KCNIP4: variants seen among roughly 807,000 people sequenced by gnomAD.
The protein encoded by KCNIP4 is Kv channel-interacting protein 4.
Under a neutral mutation model 34.0 loss-of-function variants are expected in KCNIP4, and 12 were observed. That is an observed-to-expected ratio of 0.35 (90% CI 0.23 to 0.57). The LOEUF (loss-of-function observed/expected upper bound fraction) is 0.57, where lower values mean the gene tolerates loss of function less well. Among genes scored for constraint, KCNIP4 ranks in the 20% least tolerant of loss-of-function variants. The pLI is 0.83. For missense variants in KCNIP4, 238 were observed against 311.7 expected, an observed-to-expected ratio of 0.76 and a Z score of 1.78; for synonymous variants, 124 against 102.2, an observed-to-expected ratio of 1.21 and a Z score of -1.29.
intron 1 of KCNIP4, among the ~76,000 whole-genome samples, chr4:21,058,426 T>C (rs2072622949): frequency 6.7e-6 from 1 of 148,368 alleles, no homozygotes; most frequent in Non-Finnish European, 1.5e-5. Flanking sequence ...GAGCTCATTG[T>C]CCAGACTTGG....
At chr4:21,745,388 GA>G (rs1577931808) in intron 1 of KCNIP4, among the ~76,000 whole-genome samples, 2 of 152,120 alleles carry the variant, frequency 1.3e-5, no homozygotes, top group African/African-American at 4.8e-5. Context: ...TGATATTTAT[GA>G]AATAGAAGAT....
At chr4:21,635,540 G>A (rs1271311125) in intron 1 of KCNIP4, among the ~76,000 whole-genome samples, 2 of 152,080 alleles carry the variant, frequency 1.3e-5, no homozygotes, top group African/African-American at 4.8e-5. Flanking sequence ...ATGAAAAAAT[G>A]CTCATCATCA....
At chr4:21,892,356 G>C (rs562521006) in intron 1 of KCNIP4, among the ~76,000 whole-genome samples, 83 of 151,690 alleles carry the variant, frequency 5.5e-4, no homozygotes, top group Non-Finnish European at 1.1e-3. Flanking sequence ...TATGCTGCTA[G>C]AAGTTGGGAT....
At chr4:21,108,925 C>T (rs534006193) in intron 1 of KCNIP4, among the ~76,000 whole-genome samples, 1 of 152,300 alleles carries the variant, frequency 6.6e-6, no homozygotes, top group East Asian at 1.9e-4. Flanking sequence ...TTTTCGTGAA[C>T]CACGAATGCT....
At chr4:21,193,819 C>T (rs1389069535) in intron 1 of KCNIP4, among the ~76,000 whole-genome samples, 1 of 152,136 alleles carries the variant, frequency 6.6e-6, no homozygotes, top group Non-Finnish European at 1.5e-5. Context: ...GATCCACCCA[C>T]CTCGGCCTCC....
intron 1 of KCNIP4, chr4:21,847,134 C>T (rs1018501380): frequency 6.6e-6 from 1 of 152,106 alleles, no homozygotes; most frequent in Non-Finnish European, 1.5e-5. Context: ...AGTTCATCAC[C>T]TTCTATAACC....
chr4:21,656,210 C>A (rs1173354621), intron 1 of KCNIP4, among the ~76,000 whole-genome samples: 1 of 152,150 alleles, frequency 6.6e-6, no homozygotes, highest in Non-Finnish European at 1.5e-5. Flanking sequence ...CTTGCCAAAG[C>A]AACACCCCAT....
chr4:21,119,557 G>A lies in KCNIP4; in HGVS notation c.62-236848C>T, dbSNP rs571189057. Among the ~76,000 whole-genome samples the A allele has an allele frequency of 2.0e-3, 305 of 151,368 alleles. 11 individuals are homozygous for A. The highest frequency in any genetic ancestry group is 6.8e-4 in the Non-Finnish European group (46 of 67,882). The stretch of plus-strand genomic sequence containing the variant: ...TGTCTGAATGCTAAAAATAACTAGC[G>A]TAACCAAACATAGAGAGAAACATTT... On this transcript the variant is annotated intron_variant, in intron 1 of 8. Transcript: ENST00000382152.
intron 1 of KCNIP4, among the ~76,000 whole-genome samples, chr4:20,962,498 C>T (rs1445893282): frequency 2.0e-5 from 3 of 152,178 alleles, no homozygotes; most frequent in Non-Finnish European, 4.4e-5. Flanking sequence ...ATGTTATTTA[C>T]TGGCTCTCTC....
intron 1 of KCNIP4, among the ~76,000 whole-genome samples, chr4:21,082,493 G>GA (rs1368751445): frequency 6.6e-6 from 1 of 151,816 alleles, no homozygotes; most frequent in African/African-American, 2.4e-5. Flanking sequence ...TCAAGCCTCT[G>GA]TAGTATTTTC....
Position 21,325,833 on chromosome 4 carries a change from C to T in KCNIP4, c.62-443124G>A, listed in dbSNP as rs138163449. ...TGTTTCAAGAAATTTCTTAAATTTC[C>T]TTCTTAATTTCTTTATTGACACACT... On this transcript the variant is annotated intron_variant, in intron 1 of 8. Coordinates refer to ENST00000382152, the MANE Select transcript of KCNIP4 (RefSeq NM_025221.6). Among the ~76,000 whole-genome samples the T allele has an allele frequency of 4.3e-3, 646 of 151,804 alleles. 5 individuals carry two copies. The highest frequency in any genetic ancestry group is 0.015 in the African/African-American group (604 of 41,494).
intron 1 of KCNIP4, among the ~76,000 whole-genome samples, chr4:21,170,579 G>A (rs976831583): frequency 6.6e-6 from 1 of 152,026 alleles, no homozygotes; most frequent in African/African-American, 2.4e-5. Context: ...GAACAAAGAG[G>A]CCAAAACAAG....
At chr4:21,823,446 G>A (rs1482766649) in intron 1 of KCNIP4, among the ~76,000 whole-genome samples, 2 of 150,892 alleles carry the variant, frequency 1.3e-5, no homozygotes, top group African/African-American at 4.9e-5. Context: ...AGAAATACAA[G>A]CTTTCAACAG....
intron 1 of KCNIP4, among the ~76,000 whole-genome samples, chr4:21,586,934 T>A (rs1741667389): frequency 6.6e-6 from 1 of 152,038 alleles, no homozygotes; most frequent in South Asian, 2.1e-4. Context: ...AAGGTATGAT[T>A]AGGACCATTA....
intron 1 of KCNIP4, among the ~76,000 whole-genome samples, chr4:21,338,537 C>G (rs996903291): frequency 1.3e-5 from 2 of 151,162 alleles, no homozygotes; most frequent in African/African-American, 4.9e-5. Context: ...AACTTGGGAA[C>G]CAAAGGTTGC....
At chr4:21,872,951 A>T (rs759774915) in intron 1 of KCNIP4, among the ~76,000 whole-genome samples, 1 of 152,224 alleles carries the variant, frequency 6.6e-6, no homozygotes, top group Non-Finnish European at 1.5e-5. Context: ...GTGGTCTGGA[A>T]CTTAAAACCT....
chr4:21,939,578 C>G (rs1730079496), intron 1 of KCNIP4, among the ~76,000 whole-genome samples: 1 of 152,114 alleles, frequency 6.6e-6, no homozygotes. Flanking sequence ...TTTTCCTCCC[C>G]ACAACTTTTA....
At chr4:21,831,663 CAAAAAAAA>C (rs141374886) in intron 1 of KCNIP4, among the ~76,000 whole-genome samples, 2 of 73,222 alleles carry the variant, frequency 2.7e-5, no homozygotes, top group East Asian at 9.0e-4. Context: ...CATTTTTCAT[CAAAAAAAA>C]AAAAAAAAAA....
intron 1 of KCNIP4, among the ~76,000 whole-genome samples, chr4:21,428,399 C>A (rs1726115876): frequency 6.6e-6 from 1 of 152,098 alleles, no homozygotes; most frequent in African/African-American, 2.4e-5. Flanking sequence ...TAAAAGTCAA[C>A]CCAAATAAAA....
Sources: gnomAD v4.1 joint callset for allele counts (sites outside exome capture counted in the v4.1 genomes callset) on GRCh38, gnomAD v4.1.1 for gene constraint, MANE v1.5 for transcripts, NCBI Gene and HGNC (gene_info 2026-07-23, HGNC 2026-07-21) for gene names.